Variants in PRRC1 observed in about 807,000 individuals in gnomAD.
PRRC1 encodes the protein proline rich coiled-coil 1.
Under a neutral mutation model 40.7 loss-of-function variants are expected in PRRC1, and 39 were observed. The ratio of observed to expected loss-of-function variants is 0.96; its 90% CI spans 0.74 to 1.25. PRRC1 has a LOEUF of 1.25. PRRC1 is among the 50% of genes most tolerant of loss of function. PRRC1 has a pLI of 0.00. For synonymous variants in PRRC1, 175 were observed against 193.3 expected (o/e 0.91, Z 0.79); for missense variants, 573 against 548.3 (o/e 1.05, Z -0.45).
intron 1 of PRRC1, among the ~76,000 whole-genome samples, chr5:127,521,230 T>G (rs984189645): frequency 3.3e-5 from 5 of 152,182 alleles, no homozygotes; most frequent in Admixed American, 6.5e-5. Flanking sequence ...CCTTCTAGCC[T>G]CTATCAACTG....
At chr5:127,519,810 GTTT>G (rs1217119119) in intron 1 of PRRC1, among the ~76,000 whole-genome samples, 4 of 152,162 alleles carry the variant, frequency 2.6e-5, no homozygotes, top group African/African-American at 9.7e-5. Context: ...TTAGATGTTT[GTTT>G]CAAGGAACTT....
intron 7 of PRRC1, among the ~76,000 whole-genome samples, chr5:127,544,185 G>A (rs972434754): frequency 5.9e-5 from 9 of 152,190 alleles, no homozygotes; most frequent in African/African-American, 1.2e-4. Flanking sequence ...CTGCAGAACC[G>A]CGGATTTTCG....
At chr5:127,550,970 A>G (rs1383868665) in intron 8 of PRRC1, 1 of 152,176 alleles carries the variant, frequency 6.6e-6, no homozygotes, top group Non-Finnish European at 1.5e-5. Flanking sequence ...GAGAAACTGG[A>G]TATCGTTAAA....
rs183594387 is a variant in PRRC1, at chr5:127,539,472, T to G, written c.1025+329T>G. 3.5e-4 allele frequency among the ~76,000 whole-genome samples: 54 copies of G among 152,236 alleles called. No homozygotes were observed. In the East Asian group the frequency reaches 0.01, roughly 28 times the overall value. On this transcript the variant is annotated intron_variant, in intron 7 of 8. Coordinates refer to ENST00000296666, the MANE Select transcript of PRRC1 (RefSeq NM_130809.5). ...CAAACACAATTATTCTCATAGTTATTCAAAGTCGTGGAATATATGGGCAAG... is the reference window on the plus strand; with the variant it reads ...CAAACACAATTATTCTCATAGTTATGCAAAGTCGTGGAATATATGGGCAAG...
chr5:127,551,218 G>C (rs1473073919), intron 8 of PRRC1: 1 of 163,094 alleles, frequency 6.1e-6, no homozygotes, highest in East Asian at 1.8e-4. Flanking sequence ...GGGTCAATTA[G>C]GAATGTTGCA....
intron 3 of PRRC1, among the ~76,000 whole-genome samples, chr5:127,525,503 T>C (rs752001691): frequency 6.6e-6 from 1 of 152,234 alleles, no homozygotes; most frequent in Non-Finnish European, 1.5e-5. Flanking sequence ...GGTTTTTATA[T>C]GGACATGTTT....
chr5:127,548,688 AT>A (rs1342213798), intron 8 of PRRC1: 5 of 152,098 alleles, frequency 3.3e-5, no homozygotes, highest in Non-Finnish European at 5.9e-5. Flanking sequence ...TAAGAAAACT[AT>A]TGGGCTGTCT....
At chr5:127,549,855 G>A (rs1239192995) in intron 8 of PRRC1, 3 of 152,104 alleles carry the variant, frequency 2.0e-5, no homozygotes, top group African/African-American at 7.2e-5. Context: ...TTTACCATCT[G>A]GCTCTTTTCA....
At chr5:127,550,220 T>C (rs1768340704) in intron 8 of PRRC1, 1 of 152,178 alleles carries the variant, frequency 6.6e-6, no homozygotes, top group Non-Finnish European at 1.5e-5. Flanking sequence ...TCTGTTTGTT[T>C]TATTTTGTGT....
intron 4 of PRRC1, 50 bp from the exon 5 acceptor site, chr5:127,530,244 G>C (rs796618636): frequency 1.3e-6 from 2 of 1,490,694 alleles, no homozygotes; most frequent in African/African-American, 1.4e-5. Context: ...TGAAGATCAT[G>C]GTGTTCCTCA....
chr5:127,527,123 A>G (rs1339310346), intron 4 of PRRC1, among the ~76,000 whole-genome samples: 1 of 152,032 alleles, frequency 6.6e-6, no homozygotes, highest in Non-Finnish European at 1.5e-5. Flanking sequence ...TGTTGCATTT[A>G]TTTCCCGTGT....
chr5:127,518,678 GTT>G (rs1459234291), intron 1 of PRRC1, among the ~76,000 whole-genome samples: 1 of 151,678 alleles, frequency 6.6e-6, no homozygotes, highest in East Asian at 1.9e-4. Context: ...ATGCTTTAAA[GTT>G]TATCAGAGCT....
intron 6 of PRRC1, among the ~76,000 whole-genome samples, chr5:127,534,799 A>T (rs1209030224): frequency 6.6e-6 from 1 of 152,116 alleles, no homozygotes; most frequent in Admixed American, 6.6e-5. Context: ...TGCCTTTTTG[A>T]CAAGTTTACT....
At chr5:127,534,306 A>G (rs1767843003) in intron 6 of PRRC1, among the ~76,000 whole-genome samples, 1 of 152,200 alleles carries the variant, frequency 6.6e-6, no homozygotes, top group Non-Finnish European at 1.5e-5. Flanking sequence ...GGAAACCCCA[A>G]CAAATTCTTT....
intron 1 of PRRC1, among the ~76,000 whole-genome samples, chr5:127,521,523 A>AC (rs1767459502): frequency 6.6e-6 from 1 of 152,148 alleles, no homozygotes; most frequent in Non-Finnish European, 1.5e-5. Flanking sequence ...TGTGCTCTTG[A>AC]CATTGCTCCA....
chr5:127,551,756 T>G lies in PRRC1; in HGVS notation c.1178T>G (p.Leu393Trp), dbSNP rs1360413018. 2 of 1,614,120 alleles carry G rather than the reference T, an allele frequency of 1.2e-6. No individual in the cohort carries two copies. The highest frequency in any genetic ancestry group is 3.3e-5 in the Admixed American group (2 of 59,992). The change falls in exon 9 of 9, where the codon TTG becomes TGG. Residue 393 changes from leucine (L) to tryptophan (W), a missense_variant. Transcript: ENST00000296666. ...QDYNLRWSGLLVTVGEVLEKS... is the reference protein window; with the variant it reads ...QDYNLRWSGLWVTVGEVLEKS... Reference sequence around the variant, plus strand: ...TATAATCTGAGGTGGTCAGGCCTTTTGGTGACAGTGGGTGAAGTCCTGGAA... The same window carrying G: ...TATAATCTGAGGTGGTCAGGCCTTTGGGTGACAGTGGGTGAAGTCCTGGAA...
At chr5:127,526,943 T>TAA (rs1411998178) in intron 4 of PRRC1, among the ~76,000 whole-genome samples, 165 bp downstream of exon 4, 1 of 152,252 alleles carries the variant, frequency 6.6e-6, no homozygotes, top group Admixed American at 6.5e-5. Flanking sequence ...CATATCTGTG[T>TAA]AAACGTTCCT....
In PRRC1 at chr5:127,553,984, C is replaced by G; in HGVS notation, c.*2068C>G. ...CTGCTCTGGCCTCTCTGGTTCTGTT[C>G]TTGGCCCAGAGTTTTTGAAAAGCAG... On this transcript the variant is annotated 3_prime_UTR_variant, in exon 9 of 9. Transcript: ENST00000296666. 2 of 1,400,358 alleles carry G rather than the reference C, an allele frequency of 1.4e-6. No individual in the cohort carries two copies. Among genetic ancestry groups the G allele is most frequent in the Middle Eastern group, 1.8e-4 (1 of 5,504 alleles). The allele number at this position is 1,400,358 out of a possible 1,614,324, so 86.7% of individuals were successfully genotyped here.
At chr5:127,531,617 CTTTTTTTTTTTT>C (rs60179366) in intron 5 of PRRC1, among the ~76,000 whole-genome samples, 1 of 99,680 alleles carries the variant, frequency 1.0e-5, no homozygotes, top group Admixed American at 1.2e-4. Context: ...TCTTCTTCTT[CTTTTTTTTTTTT>C]TTTTTTTTTT....
Sources: gnomAD v4.1 joint callset for allele counts (sites outside exome capture counted in the v4.1 genomes callset) on GRCh38, gnomAD v4.1.1 for gene constraint, MANE v1.5 for transcripts, NCBI Gene and HGNC (gene_info 2026-07-23, HGNC 2026-07-21) for gene names.